PTPN9: variants seen among roughly 807,000 people sequenced by gnomAD.
PTPN9 encodes protein tyrosine phosphatase non-receptor type 9, also known as tyrosine-protein phosphatase non-receptor type 9.
PTPN9 carries 26 observed loss-of-function variants against 69.8 expected under a neutral mutation model. The ratio of observed to expected loss-of-function variants is 0.37; its 90% CI spans 0.27 to 0.52. PTPN9 has a LOEUF of 0.52. Ranked by LOEUF, PTPN9 falls within the 20% of genes least tolerant of loss-of-function variation. The pLI, the probability that PTPN9 is intolerant of heterozygous loss-of-function variation, is 0.91. For missense variants in PTPN9, 549 were observed against 740.3 expected (o/e 0.74, Z 3.00); for synonymous variants, 274 against 272.5 (o/e 1.01, Z -0.05).
At chr15:75,510,098 G>A (rs1221637763) in intron 5 of PTPN9, among the ~76,000 whole-genome samples, 1 of 151,842 alleles carries the variant, frequency 6.6e-6, no homozygotes, top group African/African-American at 2.4e-5. Context: ...ATTCATCTAT[G>A]TATTTACCAA....
At chr15:75,473,998 C>T (rs897556973) in intron 9 of PTPN9, among the ~76,000 whole-genome samples, 3 of 152,166 alleles carry the variant, frequency 2.0e-5, no homozygotes, top group South Asian at 2.1e-4. Context: ...CCAGGTGAGT[C>T]GTAGGTAGGT....
intron 9 of PTPN9, 87 bp downstream of exon 9, chr15:75,479,761 A>G (rs541618265): frequency 8.5e-7 from 1 of 1,172,916 alleles, no homozygotes; most frequent in African/African-American, 1.6e-5. Context: ...TCAAGTTACC[A>G]TTCGTTTAAA....
intron 8 of PTPN9, chr15:75,480,761 C>G (rs993611976): frequency 5.7e-6 from 7 of 1,225,254 alleles, no homozygotes; most frequent in African/African-American, 3.3e-5. Context: ...TCTTTGCCGC[C>G]GCGCCGGCGA....
chr15:75,570,693 G>T (rs146413374), intron 1 of PTPN9, among the ~76,000 whole-genome samples: 3 of 151,980 alleles, frequency 2.0e-5, no homozygotes, highest in African/African-American at 7.2e-5. Context: ...CTTGATCCTG[G>T]GAGGCTGGGA....
rs572498320 is a variant in PTPN9, at chr15:75,504,416, G to A, written c.968+1259C>T. Among the ~76,000 whole-genome samples the A allele has an allele frequency of 4.8e-3, 620 of 129,776 alleles. 6 individuals are homozygous for A. The highest frequency in any genetic ancestry group is 0.017 in the African/African-American group (571 of 33,362). The allele number at this position is 129,776 out of a possible 152,430, so 85.1% of individuals were successfully genotyped here. A position where few individuals can be genotyped will look rare whatever the true frequency, so the allele number is the denominator to read the frequency against. On this transcript the variant is annotated intron_variant, in intron 7 of 12. Transcript: ENST00000618819. ...AGCCCCCCGCCCGGCCAGCCGACCC[G>A]TCCGGGAGGGAGGTGGGGGGATCAG...
intron 1 of PTPN9, among the ~76,000 whole-genome samples, chr15:75,531,470 G>A (rs546032358): frequency 2.0e-5 from 3 of 152,122 alleles, no homozygotes; most frequent in African/African-American, 7.2e-5. Flanking sequence ...ATCAAAATGA[G>A]GAAAGATGGA....
chr15:75,556,757 A>G (rs1249573784), intron 1 of PTPN9, among the ~76,000 whole-genome samples: 1 of 152,224 alleles, frequency 6.6e-6, no homozygotes, highest in African/African-American at 2.4e-5. Context: ...CAGTTGCATT[A>G]AATAAATTCA....
intron 1 of PTPN9, among the ~76,000 whole-genome samples, chr15:75,574,464 G>C (rs2075162548): frequency 6.6e-6 from 1 of 152,092 alleles, no homozygotes; most frequent in South Asian, 2.1e-4. Context: ...TAGGATAGTA[G>C]CTTCGAATAG....
chr15:75,518,550 G>A (rs914511962), intron 4 of PTPN9, among the ~76,000 whole-genome samples: 1 of 151,930 alleles, frequency 6.6e-6, no homozygotes, highest in Non-Finnish European at 1.5e-5. Context: ...GGGTGTGGTG[G>A]CTCACACCTA....
chr15:75,523,212 G>GGGCA lies in PTPN9; in HGVS notation c.327_330dup (p.Leu111CysfsTer32). 1 of 1,614,044 alleles carries GGGCA rather than the reference G, an allele frequency of 6.2e-7. No individual in the cohort carries two copies. Among genetic ancestry groups the GGGCA allele is most frequent in the Non-Finnish European group, 8.5e-7 (1 of 1,179,988 alleles). ...GGATGATGCAACCTGGCAGTAAAGA[G>GGGCA]GGCAATGGAGGCTCCTGTTGGGTCC... On this transcript the variant is annotated frameshift_variant, in exon 4 of 13. Coordinates refer to ENST00000618819, the MANE Select transcript of PTPN9 (RefSeq NM_002833.4). LOFTEE classifies it high-confidence loss of function.
At chr15:75,529,232 G>A (rs1052696515) in intron 1 of PTPN9, among the ~76,000 whole-genome samples, 2 of 151,704 alleles carry the variant, frequency 1.3e-5, no homozygotes, top group Non-Finnish European at 2.9e-5. Flanking sequence ...TGATCCGTCC[G>A]CCTCGGCCTC....
At chr15:75,550,446 G>A (rs541979150) in intron 1 of PTPN9, among the ~76,000 whole-genome samples, 353 of 150,624 alleles carry the variant, frequency 2.3e-3, no homozygotes, top group African/African-American at 8.1e-3. Flanking sequence ...GATTACAGGC[G>A]TGAGCCACCA....
chr15:75,575,915 T>A (rs763487800), intron 1 of PTPN9, among the ~76,000 whole-genome samples: 3 of 74,890 alleles, frequency 4.0e-5, no homozygotes, highest in South Asian at 4.6e-4. Flanking sequence ...CAAGACTCCA[T>A]CTCAAAAAAA....
chr15:75,514,166 CCT>C (rs1040421544), intron 5 of PTPN9, among the ~76,000 whole-genome samples: 2 of 149,592 alleles, frequency 1.3e-5, no homozygotes, highest in African/African-American at 4.9e-5. Context: ...AGCTACAATT[CCT>C]CTTTTTTTTT....
At chr15:75,506,892 T>C (rs1313884154) in intron 6 of PTPN9, among the ~76,000 whole-genome samples, 1 of 151,920 alleles carries the variant, frequency 6.6e-6, no homozygotes, top group Non-Finnish European at 1.5e-5. Flanking sequence ...TTCTGTGAAG[T>C]CTTTCCTGAC....
chr15:75,562,518 A>G (rs1444643902), intron 1 of PTPN9, among the ~76,000 whole-genome samples: 2 of 152,142 alleles, frequency 1.3e-5, no homozygotes, highest in African/African-American at 4.8e-5. Flanking sequence ...GCCTCTGAAT[A>G]TCATCCCTAT....
Position 75,531,362 on chromosome 15 carries a change from C to T in PTPN9, c.64-4101G>A, listed in dbSNP as rs116371141. Among the ~76,000 whole-genome samples, 972 of 152,164 alleles carry T rather than the reference C, an allele frequency of 6.4e-3. 14 individuals are homozygous for T. The highest frequency in any genetic ancestry group is 0.022 in the African/African-American group (913 of 41,500). ...ATTCTGGCCTGGAACCAGCTGAAGC[C>T]ACGCCAGAGAAATGAGTCCCAGAGA... is the stretch of plus-strand genomic sequence containing the variant. On this transcript the variant is annotated intron_variant, in intron 1 of 12. Coordinates refer to ENST00000618819, the MANE Select transcript of PTPN9 (RefSeq NM_002833.4).
At chr15:75,541,760 G>A (rs984370027) in intron 1 of PTPN9, among the ~76,000 whole-genome samples, 3 of 151,666 alleles carry the variant, frequency 2.0e-5, no homozygotes, top group Non-Finnish European at 4.4e-5. Flanking sequence ...AGGTTGGAGT[G>A]CAGTAGTGCG....
At chr15:75,547,347 C>G (rs188815388) in intron 1 of PTPN9, among the ~76,000 whole-genome samples, 211 of 150,578 alleles carry the variant, frequency 1.4e-3, no homozygotes, top group Non-Finnish European at 2.6e-3. Context: ...ACCGGTAATC[C>G]CAGCACTTTG....
Sources: gnomAD v4.1 joint callset for allele counts (sites outside exome capture counted in the v4.1 genomes callset) on GRCh38, gnomAD v4.1.1 for gene constraint, MANE v1.5 for transcripts, NCBI Gene and HGNC (gene_info 2026-07-23, HGNC 2026-07-21) for gene names.